Variants in CYB5R3 observed in about 807,000 individuals in gnomAD.
CYB5R3 encodes the protein cytochrome b5 reductase 3, also known as NADH-cytochrome b5 reductase 3.
Under a neutral mutation model 36.5 loss-of-function variants are expected in CYB5R3, and 28 were observed. The observed-to-expected ratio is 0.77, with a 90% CI of 0.57 to 1.05. The LOEUF (loss-of-function observed/expected upper bound fraction) is 1.05. Among genes scored for constraint, CYB5R3 ranks in the 50% least tolerant of loss-of-function variants. The probability of loss-of-function intolerance (pLI) is 0.00; values close to 1 mark genes in which losing one functional copy is unlikely to be tolerated. For synonymous variants in CYB5R3, 181 were observed against 159.8 expected (o/e 1.13, Z -1.00); for missense variants, 474 against 408.9 (o/e 1.16, Z -1.37).
intron 8 of CYB5R3, among the ~76,000 whole-genome samples, chr22:42,622,613 G>C (rs141655962): frequency 8.5e-5 from 13 of 152,310 alleles, no homozygotes; most frequent in Non-Finnish European, 1.6e-4. Flanking sequence ...TGCTCCCTCA[G>C]GGATGGGCCC....
Position 42,636,102 on chromosome 22 carries a change from G to C in CYB5R3, c.153+613C>G, listed in dbSNP as rs567699949. On this transcript the variant is annotated intron_variant, in intron 2 of 8. Transcript: ENST00000352397. Reference sequence around the variant, plus strand: ...GCGGTGGCTCACGCCTGTAATCGCAGCTACTCAGGGGGCTGAGGTAGGAGA... The same window carrying C: ...GCGGTGGCTCACGCCTGTAATCGCACCTACTCAGGGGGCTGAGGTAGGAGA... Among the ~76,000 whole-genome samples the C allele has an allele frequency of 3.3e-5, 5 of 152,238 alleles. No homozygotes were observed. The South Asian group carries it at 8.3e-4, about 25-fold the overall frequency.
chr22:42,634,971 ATT>A (rs1216844856), intron 2 of CYB5R3, among the ~76,000 whole-genome samples: 7 of 118,720 alleles, frequency 5.9e-5, no homozygotes, highest in Admixed American at 9.1e-5. Context: ...CGCCCAGCTA[ATT>A]TTTTTTTTTT....
At chr22:42,620,437 G>T (rs1045057253) in intron 8 of CYB5R3, among the ~76,000 whole-genome samples, 1 of 152,070 alleles carries the variant, frequency 6.6e-6, no homozygotes, top group Non-Finnish European at 1.5e-5. Context: ...CCACCTCCAT[G>T]AGCCCACTGT....
At position 42,639,340 on chromosome 22, in the gene CYB5R3, G is replaced by GC. The variant is rs201722897; in HGVS notation, c.22-2495_22-2494insG. On this transcript the variant is annotated intron_variant, in intron 1 of 8. Coordinates refer to ENST00000352397, the MANE Select transcript of CYB5R3 (RefSeq NM_000398.7). ...CTCTGTCTCAAAAAAAAAAAAAGTG[G>GC]GGGGGGACCGGGCACGGTGGCTCAC... Among the ~76,000 whole-genome samples, 351 of 146,574 alleles carry GC rather than the reference G, an allele frequency of 2.4e-3. 3 individuals are homozygous for GC. Among genetic ancestry groups the GC allele is most frequent in the Middle Eastern group, 7.3e-3 (2 of 274 alleles).
intron 7 of CYB5R3, among the ~76,000 whole-genome samples, chr22:42,626,611 C>T (rs973985842): frequency 3.9e-5 from 6 of 152,214 alleles, no homozygotes; most frequent in Non-Finnish European, 7.3e-5. Flanking sequence ...GTTGGCCTTG[C>T]GGCAGTTTTC....
Position 42,619,696 on chromosome 22 carries a change from T to G in CYB5R3, c.*77A>C. 26 of 1,405,534 alleles carry G rather than the reference T, an allele frequency of 1.8e-5. No individual in the cohort carries two copies. The highest frequency in any genetic ancestry group is 2.3e-5 in the Non-Finnish European group (24 of 1,042,670). The allele number at this position is 1,405,534 out of a possible 1,614,324, so 87.1% of individuals were successfully genotyped here. ...CTGAACCCGGGGCCCCAGTGTGCGA[T>G]GTGGGGAGGTGACTGGGTGAGCGTG... On this transcript the variant is annotated 3_prime_UTR_variant, in exon 9 of 9. Coordinates refer to ENST00000352397, the MANE Select transcript of CYB5R3 (RefSeq NM_000398.7).
intron 2 of CYB5R3, among the ~76,000 whole-genome samples, chr22:42,634,499 T>C (rs1928779467): frequency 6.6e-6 from 1 of 151,878 alleles, no homozygotes; most frequent in Admixed American, 6.6e-5. Flanking sequence ...CAGGCTGGAG[T>C]GCAATGGTGT....
chr22:42,630,419 A>G (rs1287546733), intron 4 of CYB5R3, among the ~76,000 whole-genome samples: 2 of 151,888 alleles, frequency 1.3e-5, no homozygotes, highest in Non-Finnish European at 2.9e-5. Context: ...CACCCCGCAC[A>G]CTCGGGACCC....
Position 42,619,243 on chromosome 22 carries a change from T to C in CYB5R3, c.*530A>G. 6.4e-6 allele frequency: 1 copy of C among 157,196 alleles called. No homozygotes were observed. 9.7% of individuals were successfully genotyped at this position (157,196 alleles called of 1,614,324 possible). A position where few individuals can be genotyped will look rare whatever the true frequency, so the allele number is the denominator to read the frequency against. On this transcript the variant is annotated 3_prime_UTR_variant, in exon 9 of 9. Transcript: ENST00000352397. ...CCAAGCTCCCGGCTGGCCAGGGCCC[T>C]GGGGTAGGGAGCAGTGCCCCCAAGA... is the stretch of plus-strand genomic sequence containing the variant.
At chr22:42,639,340 G>GGC (rs1556032465) in intron 1 of CYB5R3, among the ~76,000 whole-genome samples, 13 of 146,582 alleles carry the variant, frequency 8.9e-5, no homozygotes, top group Admixed American at 2.7e-4. Flanking sequence ...AAAAAAAGTG[G>GGC]GGGGGGACCG....
chr22:42,619,883 C>T lies in CYB5R3; in HGVS notation c.796G>A (p.Glu266Lys). 1 of 1,608,516 alleles carries T rather than the reference C, an allele frequency of 6.2e-7. No homozygotes were observed. Among genetic ancestry groups the T allele is most frequent in the Non-Finnish European group, 8.5e-7 (1 of 1,177,864 alleles). The change falls in exon 9 of 9, where the codon GAG becomes AAG. Residue 266 changes from glutamate to lysine, a missense_variant. Transcript: ENST00000352397. ...CACATCAGCACCAGCGGCTCCTCCT[C>T]TGGGGGTGGAAGGTGGTCCCGGATC... is the stretch of plus-strand genomic sequence containing the variant. The part of the protein sequence containing the change: ...EMIRDHLPPP[E>K]EEPLVLMCGP...
At chr22:42,628,552 G>T (rs1016159882) in intron 4 of CYB5R3, among the ~76,000 whole-genome samples, 3 of 152,158 alleles carry the variant, frequency 2.0e-5, no homozygotes, top group African/African-American at 7.2e-5. Flanking sequence ...TCCAGGGCTG[G>T]ATGCACTCAC....
chr22:42,623,478 G>A (rs1321464015), intron 8 of CYB5R3, among the ~76,000 whole-genome samples: 5 of 152,334 alleles, frequency 3.3e-5, no homozygotes, highest in African/African-American at 7.2e-5. Flanking sequence ...GACTTGCCCC[G>A]AAGTGAGCCC....
In CYB5R3 at chr22:42,628,296, C is replaced by T. The variant is rs200909784; in HGVS notation, c.334-15G>A. On this transcript the variant is annotated splice_polypyrimidine_tract_variant and intron_variant, in intron 4 of 8. Transcript: ENST00000352397. ...TTGAAGTAAACCTGCAAGACACCCC[C>T]GCAGCCCTCAGTCCCCAGCTCCAGG... The T allele has an allele frequency of 7.1e-4, 1,152 of 1,613,110 alleles. 2 individuals are homozygous for T. The highest frequency in any genetic ancestry group is 7.6e-4 in the Non-Finnish European group (898 of 1,179,416).
In CYB5R3 at chr22:42,649,305, T is replaced by C; in HGVS notation, c.11A>G (p.Gln4Arg). MGA[Q>R]LSTLGHMVLF... is the part of the protein sequence containing the mutation. ...CCCCTCCCCGCCTACCGTGCTGAGC[T>C]GGGCCCCCATGGTGGCCCCGCGCCG... The change falls in exon 1 of 9, where the codon CAG (glutamine) becomes CGG (arginine). Residue 4 changes from glutamine to arginine, a missense_variant. Gln to Arg is a conservative substitution (Grantham distance 43). Coordinates refer to ENST00000352397, the MANE Select transcript of CYB5R3 (RefSeq NM_000398.7). 1 of 1,020,264 alleles carries C rather than the reference T, an allele frequency of 9.8e-7. No individual in the cohort carries two copies. Among genetic ancestry groups the C allele is most frequent in the African/African-American group, 1.7e-5 (1 of 57,548 alleles). The allele number at this position is 1,020,264 out of a possible 1,614,324, so 63.2% of individuals were successfully genotyped here.
intron 2 of CYB5R3, chr22:42,632,718 T>C (rs1252929771): frequency 2.0e-5 from 3 of 152,032 alleles, no homozygotes; most frequent in Non-Finnish European, 4.4e-5. Flanking sequence ...TACCAGAAAA[T>C]ATTTGGAGGA....
At position 42,619,789 on chromosome 22, in the gene CYB5R3, C is replaced by T. The variant is rs76458556; in HGVS notation, c.890G>A (p.Arg297His). Residue 297 changes from arginine to histidine, a missense_variant, in exon 9 of 9, where the codon CGC becomes CAC. By Grantham distance (29) the Arg-to-His change is conservative. Coordinates refer to ENST00000352397, the MANE Select transcript of CYB5R3 (RefSeq NM_000398.7). ...GCCCGGCCCTCAGAAGACGAAGCAG[C>T]GCTCCGTGGGGTGGCCCACGTGGTC... ...NLDHVGHPTE[R>H]CFVF 3,542 of 1,587,798 alleles carry T rather than the reference C, an allele frequency of 2.2e-3. 13 individuals carry two copies. Among genetic ancestry groups the T allele is most frequent in the Middle Eastern group, 0.015 (90 of 6,028 alleles).
At chr22:42,630,787 G>A (rs921735994) in intron 4 of CYB5R3, 95 bp downstream of exon 4, 11 of 1,098,386 alleles carry the variant, frequency 1.0e-5, no homozygotes, top group Non-Finnish European at 1.5e-5. Context: ...GCACAGGGCA[G>A]GAGCGGGAGA....
intron 1 of CYB5R3, among the ~76,000 whole-genome samples, chr22:42,648,066 G>A (rs771546857): frequency 7.9e-5 from 12 of 152,174 alleles, no homozygotes; most frequent in African/African-American, 2.2e-4. Flanking sequence ...AAAATGGGCC[G>A]GGTGTTGCAT....
Sources: allele counts gnomAD v4.1 joint callset (sites outside exome capture counted in the v4.1 genomes callset), GRCh38; gene constraint gnomAD v4.1.1; transcripts MANE v1.5; gene names NCBI Gene and HGNC (gene_info 2026-07-23, HGNC 2026-07-21).